THSD7A: variants seen among roughly 807,000 people sequenced by gnomAD.
THSD7A encodes thrombospondin type-1 domain-containing protein 7A.
Under a neutral mutation model 231.3 loss-of-function variants are expected in THSD7A, and 96 were observed. That is an observed-to-expected ratio of 0.41 (90% CI 0.35 to 0.49). The LOEUF (loss-of-function observed/expected upper bound fraction) is 0.49. Among genes scored for constraint, THSD7A ranks in the 20% least tolerant of loss-of-function variants. The probability of loss-of-function intolerance (pLI) is 0.05; values close to 1 mark genes in which losing one functional copy is unlikely to be tolerated. For synonymous variants in THSD7A, 940 were observed against 743.3 expected (o/e 1.26, Z -4.30); for missense variants, 2,290 against 2,070.2 (o/e 1.11, Z -2.06).
At chr7:11,722,993 T>C (rs1781411681) in intron 1 of THSD7A, among the ~76,000 whole-genome samples, 1 of 152,012 alleles carries the variant, frequency 6.6e-6, no homozygotes, top group Admixed American at 6.6e-5. Flanking sequence ...ACCCAAAGGA[T>C]TATAAATCAT....
chr7:11,625,750 T>C (rs529747124), intron 2 of THSD7A, among the ~76,000 whole-genome samples: 4 of 152,154 alleles, frequency 2.6e-5, no homozygotes, highest in Non-Finnish European at 2.9e-5. Flanking sequence ...CCCTCTTTTA[T>C]GGGAATTTGT....
intron 1 of THSD7A, among the ~76,000 whole-genome samples, chr7:11,674,750 A>C (rs1783566386): frequency 6.6e-6 from 1 of 152,142 alleles, no homozygotes; most frequent in Non-Finnish European, 1.5e-5. Flanking sequence ...GCTATACAAA[A>C]ATCCAGAGTG....
intron 13 of THSD7A, among the ~76,000 whole-genome samples, chr7:11,441,081 T>A (rs562194109): frequency 1.3e-5 from 2 of 152,126 alleles, no homozygotes; most frequent in Admixed American, 1.3e-4. Flanking sequence ...TGGAAAAAAA[T>A]CATTCTCTCC....
At chr7:11,713,836 T>C (rs1213862697) in intron 1 of THSD7A, among the ~76,000 whole-genome samples, 2 of 151,274 alleles carry the variant, frequency 1.3e-5, no homozygotes, top group Non-Finnish European at 3.0e-5. Flanking sequence ...ATGACTTATA[T>C]TTTATTAAAT....
At chr7:11,773,351 G>A (rs952057444) in intron 1 of THSD7A, among the ~76,000 whole-genome samples, 1 of 152,014 alleles carries the variant, frequency 6.6e-6, no homozygotes, top group African/African-American at 2.4e-5. Flanking sequence ...TGATCAAAAT[G>A]GAGAAACCCT....
intron 1 of THSD7A, among the ~76,000 whole-genome samples, chr7:11,640,605 G>A (rs975734917): frequency 1.1e-4 from 17 of 152,010 alleles, no homozygotes; most frequent in Admixed American, 5.2e-4. Flanking sequence ...TCTGAAATTA[G>A]CATTGTCTTG....
At chr7:11,389,948 T>G (rs1782918227) in intron 23 of THSD7A, among the ~76,000 whole-genome samples, 1 of 152,224 alleles carries the variant, frequency 6.6e-6, no homozygotes, top group African/African-American at 2.4e-5. Context: ...GCCCCCACTC[T>G]CTTCTGGCTT....
intron 11 of THSD7A, among the ~76,000 whole-genome samples, chr7:11,457,241 T>C (rs192013125): frequency 9.1e-4 from 138 of 152,168 alleles, no homozygotes; most frequent in Admixed American, 2.9e-3. Context: ...ACCTGAATAT[T>C]TCCACTTGGC....
At chr7:11,431,176 T>C (rs1390893581) in intron 13 of THSD7A, among the ~76,000 whole-genome samples, 1 of 152,196 alleles carries the variant, frequency 6.6e-6, no homozygotes, top group African/African-American at 2.4e-5. Context: ...AATTTTGGTG[T>C]TGTTTGAAGA....
chr7:11,389,857 C>CTCTTTCACTTA (rs762126690), intron 23 of THSD7A, among the ~76,000 whole-genome samples: 1 of 152,094 alleles, frequency 6.6e-6, no homozygotes, highest in Non-Finnish European at 1.5e-5. Flanking sequence ...AATTTTATTT[C>CTCTTTCACTTA]TCTTTCACTT....
chr7:11,772,769 C>A (rs1783276008), intron 1 of THSD7A, among the ~76,000 whole-genome samples: 1 of 152,114 alleles, frequency 6.6e-6, no homozygotes, highest in Non-Finnish European at 1.5e-5. Context: ...GTACTCTGCT[C>A]ACTACCAGGG....
rs941039185 is a variant in THSD7A at position 11,780,713 on chromosome 7, A to G, written c.190+51044T>C. Among the ~76,000 whole-genome samples the G allele has an allele frequency of 2.6e-5, 4 of 152,200 alleles. No homozygotes were observed. In the East Asian group the frequency reaches 7.7e-4, roughly 29 times the overall value. On this transcript the variant is annotated intron_variant, in intron 1 of 27. Transcript: ENST00000423059. ...CCACAGAAACAATGTGAAAAAATAA[A>G]TGTTTATTGTTTTAAGCCACTGAGT...
chr7:11,473,896 G>C (rs894164229), intron 8 of THSD7A, among the ~76,000 whole-genome samples: 6 of 152,088 alleles, frequency 3.9e-5, no homozygotes, highest in African/African-American at 1.2e-4. Context: ...GTGTTTTCTA[G>C]GGGAAATGAA....
chr7:11,648,492 T>C (rs1211401560), intron 1 of THSD7A, among the ~76,000 whole-genome samples: 4 of 151,980 alleles, frequency 2.6e-5, no homozygotes, highest in South Asian at 2.1e-4. Context: ...CTGTTGTACA[T>C]TGGATTTTAG....
In THSD7A at chr7:11,501,464, A is replaced by G. The variant is rs115430984; in HGVS notation, c.1823-19482T>C. 2.1e-3 allele frequency among the ~76,000 whole-genome samples: 327 copies of G among 152,320 alleles called. 4 individuals carry two copies. The highest frequency in any genetic ancestry group is 7.6e-3 in the African/African-American group (315 of 41,580). On this transcript the variant is annotated intron_variant, in intron 6 of 27. Coordinates refer to ENST00000423059, the MANE Select transcript of THSD7A (RefSeq NM_015204.3). ...CACAGCACAATAAAAATAGAAATCAACACAATGAAAATTGCTGAAACCCAG... is the reference window on the plus strand; with the variant it reads ...CACAGCACAATAAAAATAGAAATCAGCACAATGAAAATTGCTGAAACCCAG...
intron 1 of THSD7A, among the ~76,000 whole-genome samples, chr7:11,679,793 G>C (rs1266200709): frequency 6.6e-6 from 1 of 152,108 alleles, no homozygotes; most frequent in Non-Finnish European, 1.5e-5. Flanking sequence ...TAGATTTAAT[G>C]CTATCCTGAT....
intron 1 of THSD7A, among the ~76,000 whole-genome samples, chr7:11,693,987 CCAA>C (rs1780312508): frequency 6.6e-6 from 1 of 151,308 alleles, no homozygotes; most frequent in African/African-American, 2.4e-5. Flanking sequence ...TCTATTTTTC[CCAA>C]CAACTCAATA....
chr7:11,801,833 C>A (rs1784285896), intron 1 of THSD7A, among the ~76,000 whole-genome samples: 1 of 152,090 alleles, frequency 6.6e-6, no homozygotes, highest in Non-Finnish European at 1.5e-5. Context: ...TCAGGCAAAG[C>A]TTACCACAAA....
rs757068944 is a variant in THSD7A at position 11,593,397 on chromosome 7, G to A, written c.1128C>T (p.Cys376=). The A allele has an allele frequency of 1.2e-6, 2 of 1,614,014 alleles. No individual in the cohort carries two copies. The highest frequency in any genetic ancestry group is 1.7e-6 in the Non-Finnish European group (2 of 1,179,884). ...WSEWSPCSKT[C]HDMVSPAGTR... ...TGCCTGCAGGGGACACCATGTCATG[G>A]CATGTTTTTGAGCAGGGGCTCCACT... Residue 376 remains cysteine (C), a synonymous_variant, in exon 3 of 28, where the codon TGC becomes TGT. Coordinates refer to ENST00000423059, the MANE Select transcript of THSD7A (RefSeq NM_015204.3).
Sources: gnomAD v4.1 joint callset for allele counts (sites outside exome capture counted in the v4.1 genomes callset) on GRCh38, gnomAD v4.1.1 for gene constraint, MANE v1.5 for transcripts, NCBI Gene and HGNC (gene_info 2026-07-23, HGNC 2026-07-21) for gene names.